The following SMAP1 variants were observed in gnomAD, a reference collection of about 807,000 sequenced individuals.
SMAP1 encodes small ArfGAP 1, also known as stromal membrane-associated protein 1.
Under a neutral mutation model 58.5 loss-of-function variants are expected in SMAP1, and 24 were observed. The observed-to-expected ratio is 0.41, with a 90% confidence interval of 0.30 to 0.58. The LOEUF (loss-of-function observed/expected upper bound fraction) is 0.58. Ranked by LOEUF, SMAP1 falls within the 20% of genes least tolerant of loss-of-function variation. SMAP1 has a pLI of 0.29. For missense variants in SMAP1, 563 were observed against 566.3 expected (o/e 0.99, Z 0.06); for synonymous variants, 216 against 196.6 (o/e 1.10, Z -0.82).
At chr6:70,736,308 TC>T (rs558741224) in intron 2 of SMAP1, among the ~76,000 whole-genome samples, 1 of 152,324 alleles carries the variant, frequency 6.6e-6, no homozygotes, top group Admixed American at 6.5e-5. Flanking sequence ...TTGTGTTTGG[TC>T]TTGGGTTTAT....
intron 4 of SMAP1, among the ~76,000 whole-genome samples, chr6:70,779,635 C>G (rs932940634): frequency 6.6e-6 from 1 of 152,146 alleles, no homozygotes; most frequent in Non-Finnish European, 1.5e-5. Flanking sequence ...CATGGCTTCC[C>G]TCTTGATGCT....
chr6:70,793,785 G>A (rs570622738), intron 5 of SMAP1, among the ~76,000 whole-genome samples: 25 of 151,914 alleles, frequency 1.6e-4, no homozygotes, highest in Non-Finnish European at 3.2e-4. Flanking sequence ...GCAGTGGCGC[G>A]ATCTCGGCTT....
intron 1 of SMAP1, among the ~76,000 whole-genome samples, chr6:70,719,655 C>G (rs1562112934): frequency 6.6e-6 from 1 of 152,090 alleles, no homozygotes; most frequent in Non-Finnish European, 1.5e-5. Context: ...ACTGGACTTA[C>G]AGTTCATATG....
chr6:70,839,578 A>C (rs1770724923), intron 7 of SMAP1, among the ~76,000 whole-genome samples: 1 of 152,168 alleles, frequency 6.6e-6, no homozygotes, highest in Non-Finnish European at 1.5e-5. Context: ...AAGTTAGGGA[A>C]TGTTTGTGAA....
At chr6:70,788,543 A>G (rs1258470120) in intron 4 of SMAP1, among the ~76,000 whole-genome samples, 1 of 152,204 alleles carries the variant, frequency 6.6e-6, no homozygotes, top group Admixed American at 6.5e-5. Flanking sequence ...AGATCAAGGA[A>G]TACTTTGAAT....
intron 3 of SMAP1, among the ~76,000 whole-genome samples, chr6:70,767,424 G>C (rs1184505004): frequency 6.6e-6 from 1 of 152,064 alleles, no homozygotes; most frequent in East Asian, 1.9e-4. Flanking sequence ...TTATTTCATT[G>C]AGCAGTGGTT....
chr6:70,861,578 C>A lies in SMAP1; in HGVS notation c.*1244C>A. 8.0e-7 allele frequency: 1 copy of A among 1,249,268 alleles called. No homozygotes were observed. Among genetic ancestry groups the A allele is most frequent in the South Asian group, 1.3e-5 (1 of 74,208 alleles). The allele number at this position is 1,249,268 out of a possible 1,614,324, so 77.4% of individuals were successfully genotyped here. On this transcript the variant is annotated 3_prime_UTR_variant, in exon 11 of 11. Transcript: ENST00000370455. ...TGTACTGAAGTAAAACAAACAATACCTGAATGCTCTGTAGCCTAAACTCCA... is the reference window on the plus strand; with the variant it reads ...TGTACTGAAGTAAAACAAACAATACATGAATGCTCTGTAGCCTAAACTCCA...
At chr6:70,769,141 T>C (rs1767147640) in intron 3 of SMAP1, among the ~76,000 whole-genome samples, 1 of 152,220 alleles carries the variant, frequency 6.6e-6, no homozygotes, top group African/African-American at 2.4e-5. Flanking sequence ...TCTGATCTTT[T>C]ACATTTGCTG....
chr6:70,724,676 G>T (rs569138658), intron 1 of SMAP1, among the ~76,000 whole-genome samples: 1 of 152,316 alleles, frequency 6.6e-6, no homozygotes, highest in East Asian at 1.9e-4. Flanking sequence ...TTTGCAGGAA[G>T]TCTAGTTGTA....
At chr6:70,759,209 C>T (rs375637526) in intron 3 of SMAP1, among the ~76,000 whole-genome samples, 1 of 152,178 alleles carries the variant, frequency 6.6e-6, no homozygotes, top group Admixed American at 6.6e-5. Context: ...GCCCAGCATA[C>T]AAATCAGCAT....
intron 3 of SMAP1, among the ~76,000 whole-genome samples, chr6:70,770,099 A>T (rs1228984069): frequency 6.6e-6 from 1 of 151,656 alleles, no homozygotes; most frequent in African/African-American, 2.4e-5. Context: ...TGGCTTGTAG[A>T]GTTTCTGCCG....
At chr6:70,769,129 T>C (rs1183676701) in intron 3 of SMAP1, among the ~76,000 whole-genome samples, 1 of 152,212 alleles carries the variant, frequency 6.6e-6, no homozygotes, top group Non-Finnish European at 1.5e-5. Flanking sequence ...TTCGTTATAA[T>C]TTCTGATCTT....
chr6:70,713,543 G>A (rs1010831819), intron 1 of SMAP1, among the ~76,000 whole-genome samples: 1 of 152,002 alleles, frequency 6.6e-6, no homozygotes, highest in Admixed American at 6.6e-5. Context: ...GCGTTATTTA[G>A]TATTTGTGAA....
intron 5 of SMAP1, among the ~76,000 whole-genome samples, chr6:70,795,009 C>T (rs1426069103): frequency 6.6e-6 from 1 of 151,912 alleles, no homozygotes; most frequent in Non-Finnish European, 1.5e-5. Flanking sequence ...CGGATGGTCT[C>T]GATTTCCTGA....
chr6:70,861,807 G>A lies in SMAP1; in HGVS notation c.*1473G>A. On this transcript the variant is annotated 3_prime_UTR_variant, in exon 11 of 11. Transcript: ENST00000370455. ...CTCTTCATGGTGACACTCGAGGTCG[G>A]GCAGCACAAGTGTAATGAATACCTT... The A allele has an allele frequency of 1.2e-6, 2 of 1,613,852 alleles. No homozygotes were observed. Among genetic ancestry groups the A allele is most frequent in the African/African-American group, 1.3e-5 (1 of 74,956 alleles).
chr6:70,748,247 T>C (rs781584683), intron 2 of SMAP1, among the ~76,000 whole-genome samples: 8 of 152,184 alleles, frequency 5.3e-5, no homozygotes, highest in Non-Finnish European at 1.0e-4. Flanking sequence ...ACTAAAAATA[T>C]TCATTTTTCT....
intron 4 of SMAP1, among the ~76,000 whole-genome samples, chr6:70,789,947 T>C (rs1242726410): frequency 6.6e-6 from 1 of 152,110 alleles, no homozygotes; most frequent in Non-Finnish European, 1.5e-5. Flanking sequence ...CCACATCAGC[T>C]TATCATCTTC....
intron 1 of SMAP1, among the ~76,000 whole-genome samples, chr6:70,721,970 T>C (rs1855436): frequency 1 from 151,859 of 152,314 alleles, 75,704 homozygotes; most frequent in Middle Eastern, 1. Context: ...GGATGAGGAC[T>C]CAGCCAAAGC....
chr6:70,777,105 A>G (rs1362372525), intron 4 of SMAP1, among the ~76,000 whole-genome samples: 2 of 152,230 alleles, frequency 1.3e-5, no homozygotes, highest in Admixed American at 1.3e-4. Flanking sequence ...ATTCCCACCA[A>G]CAGTATCTAA....
Sources: allele counts gnomAD v4.1 joint callset (sites outside exome capture counted in the v4.1 genomes callset), GRCh38; gene constraint gnomAD v4.1.1; transcripts MANE v1.5; gene names NCBI Gene and HGNC (gene_info 2026-07-23, HGNC 2026-07-21).